The following PKNOX2 variants were observed in gnomAD, a reference collection of about 807,000 sequenced individuals.
PKNOX2 encodes the protein homeobox protein PKNOX2.
PKNOX2 carries 14 observed loss-of-function variants against 53.1 expected under a neutral mutation model. The ratio of observed to expected loss-of-function variants is 0.26; its 90% CI spans 0.17 to 0.41. The LOEUF is 0.41. PKNOX2 is among the 10% of genes least tolerant of loss of function. PKNOX2 has a pLI of 1.00. For missense variants in PKNOX2, 496 were observed against 602.8 expected (o/e 0.82, Z 1.85); for synonymous variants, 257 against 242.8 (o/e 1.06, Z -0.54).
At chr11:125,383,375 C>T (rs1035395515) in intron 5 of PKNOX2, among the ~76,000 whole-genome samples, 2 of 150,168 alleles carry the variant, frequency 1.3e-5, no homozygotes, top group African/African-American at 4.9e-5. Flanking sequence ...TTTGGGAGGC[C>T]AAGGCAGGCA....
intron 10 of PKNOX2, among the ~76,000 whole-genome samples, chr11:125,423,315 C>T (rs763099510): frequency 1.4e-4 from 21 of 152,164 alleles, no homozygotes; most frequent in Admixed American, 2.0e-4. Flanking sequence ...AGAGAGGTGA[C>T]CGGTGTGCCT....
chr11:125,430,240 C>A, intron 12 of PKNOX2, 99 bp downstream of exon 12: 1 of 1,372,724 alleles, frequency 7.3e-7, no homozygotes, highest in Non-Finnish European at 9.8e-7. Flanking sequence ...TATCTCCTTA[C>A]CTGGGCTCCC....
At chr11:125,343,814 G>A (rs901680745) in intron 3 of PKNOX2, among the ~76,000 whole-genome samples, 2 of 152,126 alleles carry the variant, frequency 1.3e-5, no homozygotes, top group African/African-American at 2.4e-5. Context: ...GGTGTTGCTC[G>A]TCTGACTCTC....
chr11:125,358,386 G>A (rs1565505603), intron 4 of PKNOX2, among the ~76,000 whole-genome samples: 1 of 152,200 alleles, frequency 6.6e-6, no homozygotes, highest in African/African-American at 2.4e-5. Context: ...TGGGCAGGAG[G>A]CCATCAGTTC....
intron 3 of PKNOX2, among the ~76,000 whole-genome samples, chr11:125,334,540 A>C (rs906574441): frequency 1.9e-4 from 28 of 151,134 alleles, no homozygotes; most frequent in African/African-American, 6.8e-4. Context: ...TAGCTCTGCC[A>C]TTTGCTGCCT....
chr11:125,424,212 T>G (rs1235376197), intron 10 of PKNOX2, among the ~76,000 whole-genome samples: 1 of 152,132 alleles, frequency 6.6e-6, no homozygotes, highest in Admixed American at 6.6e-5. Context: ...TTCGTACTTT[T>G]CTGAGTGTTC....
intron 2 of PKNOX2, among the ~76,000 whole-genome samples, chr11:125,264,356 A>G (rs1200363801): frequency 2.0e-5 from 3 of 152,198 alleles, no homozygotes; most frequent in African/African-American, 7.2e-5. Context: ...CTTGGAATGC[A>G]GCTCAGGCTA....
chr11:125,194,953 T>A (rs1257489050), intron 1 of PKNOX2, among the ~76,000 whole-genome samples: 2 of 152,210 alleles, frequency 1.3e-5, no homozygotes, highest in Non-Finnish European at 2.9e-5. Context: ...AGGTCCTACC[T>A]TCCTGACGCT....
chr11:125,206,173 T>C (rs1939077876), intron 1 of PKNOX2, among the ~76,000 whole-genome samples: 1 of 151,956 alleles, frequency 6.6e-6, no homozygotes, highest in African/African-American at 2.4e-5. Flanking sequence ...TCGAGGAGCC[T>C]ACTGTCTAGT....
At chr11:125,323,164 C>T (rs1031817474) in intron 2 of PKNOX2, among the ~76,000 whole-genome samples, 21 of 151,968 alleles carry the variant, frequency 1.4e-4, no homozygotes, top group East Asian at 1.2e-3. Flanking sequence ...TTCCAGCATC[C>T]GTGAGTTTCT....
chr11:125,310,742 G>A (rs1948752372), intron 2 of PKNOX2, among the ~76,000 whole-genome samples: 1 of 151,872 alleles, frequency 6.6e-6, no homozygotes, highest in African/African-American at 2.4e-5. Context: ...ATTTGCCATT[G>A]TCCACAGACT....
chr11:125,235,959 A>G (rs1028097122), intron 2 of PKNOX2, among the ~76,000 whole-genome samples: 16 of 152,188 alleles, frequency 1.1e-4, no homozygotes, highest in Admixed American at 9.8e-4. Context: ...TGCCCTGGGC[A>G]GGCATAGTTT....
intron 4 of PKNOX2, among the ~76,000 whole-genome samples, chr11:125,360,788 T>A (rs1176771943): frequency 6.6e-6 from 1 of 152,256 alleles, no homozygotes; most frequent in Non-Finnish European, 1.5e-5. Flanking sequence ...GAATAGCTAC[T>A]GAGGGCCAGC....
At chr11:125,168,270 G>A (rs1380065136) in intron 1 of PKNOX2, among the ~76,000 whole-genome samples, 1 of 152,222 alleles carries the variant, frequency 6.6e-6, no homozygotes, top group African/African-American at 2.4e-5. Flanking sequence ...GAGATGACAA[G>A]GTTTTTGACT....
intron 2 of PKNOX2, among the ~76,000 whole-genome samples, chr11:125,281,785 A>G (rs1946574870): frequency 6.6e-6 from 1 of 152,220 alleles, no homozygotes; most frequent in Non-Finnish European, 1.5e-5. Flanking sequence ...TAATCCCCTA[A>G]TACAATCACT....
intron 5 of PKNOX2, among the ~76,000 whole-genome samples, chr11:125,378,849 A>C (rs927313764): frequency 4.7e-5 from 7 of 149,654 alleles, no homozygotes; most frequent in African/African-American, 1.7e-4. Context: ...CTGCATATCC[A>C]CTCTCTGGCT....
intron 2 of PKNOX2, among the ~76,000 whole-genome samples, chr11:125,324,393 A>G (rs1035794): frequency 0.11 from 16,962 of 152,260 alleles, 1,350 homozygotes; most frequent in East Asian, 0.22. Context: ...TACACTCCAC[A>G]TGTCCTCTGC....
chr11:125,204,549 C>T (rs1321092234), intron 1 of PKNOX2, among the ~76,000 whole-genome samples: 1 of 152,264 alleles, frequency 6.6e-6, no homozygotes. Flanking sequence ...ACGACACATC[C>T]CAGTTTGCCT....
intron 2 of PKNOX2, among the ~76,000 whole-genome samples, chr11:125,313,609 A>C (rs1948965009): frequency 6.6e-6 from 1 of 152,206 alleles, no homozygotes; most frequent in South Asian, 2.1e-4. Context: ...ACATGTACCC[A>C]GGAGGCAGAC....
Sources: gnomAD v4.1 joint callset for allele counts (sites outside exome capture counted in the v4.1 genomes callset) on GRCh38, gnomAD v4.1.1 for gene constraint, MANE v1.5 for transcripts, NCBI Gene and HGNC (gene_info 2026-07-23, HGNC 2026-07-21) for gene names.